HS3ST1: variants seen among roughly 807,000 people sequenced by gnomAD.
HS3ST1 encodes heparan sulfate glucosamine 3-O-sulfotransferase 1.
HS3ST1 carries 8 observed loss-of-function variants against 20.7 expected under a neutral mutation model. The observed-to-expected ratio is 0.39, with a 90% CI of 0.23 to 0.70. The LOEUF (loss-of-function observed/expected upper bound fraction) is 0.70, where lower values mean the gene tolerates loss of function less well. Ranked by LOEUF, HS3ST1 falls within the 30% of genes least tolerant of loss-of-function variation. HS3ST1 has a pLI of 0.46. For missense variants in HS3ST1, 436 were observed against 423.4 expected, an observed-to-expected ratio of 1.03 and a Z score of -0.26; for synonymous variants, 205 against 190.4, an observed-to-expected ratio of 1.08 and a Z score of -0.63.
chr4:11,401,555 G>A lies in HS3ST1; in HGVS notation c.-108-1442C>T, dbSNP rs182614455. Among the ~76,000 whole-genome samples, 60 of 152,224 alleles carry A rather than the reference G, an allele frequency of 3.9e-4. 1 individual carries two copies. Among genetic ancestry groups the A allele is most frequent in the African/African-American group, 1.4e-3 (58 of 41,544 alleles). On this transcript the variant is annotated intron_variant, in intron 1 of 1. Coordinates refer to ENST00000002596, the MANE Select transcript of HS3ST1 (RefSeq NM_005114.4). ...GATGGGCTTTCTCTATGTTGGTCAG[G>A]CTGGTCTCGAAATCCCACCCTCAGG...
At position 11,396,630 on chromosome 4, in the gene HS3ST1, CT is replaced by C. The variant is rs1409861437; in HGVS notation, c.*2451del. 2 of 152,220 alleles carry C rather than the reference CT, an allele frequency of 1.3e-5. No individual in the cohort carries two copies. Among genetic ancestry groups the C allele is most frequent in the Admixed American group, 6.5e-5 (1 of 15,274 alleles). The allele number at this position is 152,220 out of a possible 1,614,324, so 9.4% of individuals were successfully genotyped here. On this transcript the variant is annotated 3_prime_UTR_variant, in exon 2 of 2. Coordinates refer to ENST00000002596, the MANE Select transcript of HS3ST1 (RefSeq NM_005114.4). ...CTTGGTGAGATCTAGCAATAAATACCTTGGGTAAGTCTGGAGTGATGGTTTC... is the reference window on the plus strand; with the variant it reads ...CTTGGTGAGATCTAGCAATAAATACCTGGGTAAGTCTGGAGTGATGGTTTC...
chr4:11,400,008 T>C lies in HS3ST1; in HGVS notation c.-3A>G. 1 of 1,504,470 alleles carries C rather than the reference T, an allele frequency of 6.6e-7. No individual in the cohort carries two copies. The highest frequency in any genetic ancestry group is 1.3e-5 in the South Asian group (1 of 78,714). 93.2% of individuals were successfully genotyped at this position (1,504,470 alleles called of 1,614,324 possible). On this transcript the variant is annotated 5_prime_UTR_variant, in exon 2 of 2. Coordinates refer to ENST00000002596, the MANE Select transcript of HS3ST1 (RefSeq NM_005114.4). ...GCGCCCAGGAGCAGCGCGGCCATGC[T>C]GGACACCACGGTGGCTTCACTGGGC...
At chr4:11,420,179 G>T (rs1718892793) in intron 1 of HS3ST1, among the ~76,000 whole-genome samples, 1 of 152,188 alleles carries the variant, frequency 6.6e-6, no homozygotes, top group African/African-American at 2.4e-5. Flanking sequence ...GGTTATTTTG[G>T]CATGAGCAGT....
chr4:11,405,951 T>A (rs1718452237), intron 1 of HS3ST1, among the ~76,000 whole-genome samples: 1 of 152,124 alleles, frequency 6.6e-6, no homozygotes, highest in Admixed American at 6.5e-5. Context: ...TCACAAGAGG[T>A]ACATTTAATG....
At chr4:11,427,371 G>T (rs982103268) in intron 1 of HS3ST1, among the ~76,000 whole-genome samples, 2 of 152,060 alleles carry the variant, frequency 1.3e-5, no homozygotes, top group African/African-American at 4.8e-5. Context: ...CGGGGCTAGG[G>T]CTGAGGGAGG....
At chr4:11,420,472 G>A (rs1718903730) in intron 1 of HS3ST1, among the ~76,000 whole-genome samples, 1 of 152,182 alleles carries the variant, frequency 6.6e-6, no homozygotes, top group South Asian at 2.1e-4. Flanking sequence ...AAAGCACAAA[G>A]TATCCCTTCA....
chr4:11,433,982 A>G (rs1711530160), upstream of HS3ST1, among the ~76,000 whole-genome samples: 1 of 152,208 alleles, frequency 6.6e-6, no homozygotes, highest in South Asian at 2.1e-4. Context: ...TGCTGTTTCT[A>G]GCAGCTCTCT....
rs1718989599 is a variant in HS3ST1, at chr4:11,423,584, A to G, written c.-109+5115T>C. Among the ~76,000 whole-genome samples the G allele has an allele frequency of 2.0e-5, 3 of 152,168 alleles. No homozygotes were observed. In the South Asian group the frequency reaches 6.2e-4, roughly 32 times the overall value. On this transcript the variant is annotated intron_variant, in intron 1 of 1. Transcript: ENST00000002596. ...TTTTGTCTGTCTCCTCTGCTGGAAG[A>G]TAAGCACAAGGGCGAGGACTTCCAT...
upstream of HS3ST1, chr4:11,429,734 C>G (rs1283870116): frequency 7.3e-6 from 1 of 137,008 alleles, no homozygotes; most frequent in Non-Finnish European, 1.5e-5. Context: ...TATTTCTGCC[C>G]CGCTCCTCTA....
intron 1 of HS3ST1, among the ~76,000 whole-genome samples, chr4:11,412,268 G>C (rs995726241): frequency 1.3e-5 from 2 of 152,206 alleles, no homozygotes; most frequent in African/African-American, 4.8e-5. Context: ...TGGTCAGCAA[G>C]ACACAGGGAT....
chr4:11,433,221 A>G (rs2108895753), upstream of HS3ST1, among the ~76,000 whole-genome samples: 1 of 152,234 alleles, frequency 6.6e-6, no homozygotes, highest in South Asian at 2.1e-4. Context: ...GGAAGCCCTC[A>G]AGGTACCATA....
intron 1 of HS3ST1, among the ~76,000 whole-genome samples, chr4:11,422,265 G>A (rs146801546): frequency 9.7e-4 from 148 of 152,198 alleles, no homozygotes; most frequent in African/African-American, 3.3e-3. Context: ...ACCATGAACC[G>A]CTTCCTAACT....
At chr4:11,417,155 A>T (rs1718806189) in intron 1 of HS3ST1, among the ~76,000 whole-genome samples, 1 of 152,142 alleles carries the variant, frequency 6.6e-6, no homozygotes, top group Admixed American at 6.6e-5. Context: ...AAAAAACAAA[A>T]ACTGAAAGGA....
upstream of HS3ST1, among the ~76,000 whole-genome samples, chr4:11,432,757 A>G (rs1180023646): frequency 6.6e-6 from 1 of 152,140 alleles, no homozygotes; most frequent in Non-Finnish European, 1.5e-5. Flanking sequence ...ATTTCTTTTG[A>G]TTTGCTAATT....
upstream of HS3ST1, among the ~76,000 whole-genome samples, chr4:11,433,927 C>G (rs928545320): frequency 6.6e-6 from 1 of 152,198 alleles, no homozygotes; most frequent in African/African-American, 2.4e-5. Flanking sequence ...CTGTGACTCT[C>G]AGACCCTTAC....
chr4:11,402,386 C>T (rs1718348723), intron 1 of HS3ST1, among the ~76,000 whole-genome samples: 1 of 152,204 alleles, frequency 6.6e-6, no homozygotes, highest in Non-Finnish European at 1.5e-5. Flanking sequence ...GATTGGTGAA[C>T]TAAATTTAAC....
intron 1 of HS3ST1, among the ~76,000 whole-genome samples, chr4:11,401,922 C>T (rs910414947): frequency 6.6e-6 from 1 of 152,186 alleles, no homozygotes; most frequent in African/African-American, 2.4e-5. Context: ...GTCTGTGTTT[C>T]ACGCTATCCC....
chr4:11,421,960 G>A (rs1718950004), intron 1 of HS3ST1, among the ~76,000 whole-genome samples: 1 of 152,184 alleles, frequency 6.6e-6, no homozygotes, highest in Non-Finnish European at 1.5e-5. Flanking sequence ...AGTCCTCGCA[G>A]GACTGGGTAC....
rs374323541 is a variant in HS3ST1, at chr4:11,394,987, A to G, written c.*4095T>C. ...TGGGTGCCTGCTAAGTAAGCTTCCA[A>G]CACTCCAGCCTTGGAAAGCAGTAGC... On this transcript the variant is annotated 3_prime_UTR_variant, in exon 2 of 2. Coordinates refer to ENST00000002596, the MANE Select transcript of HS3ST1 (RefSeq NM_005114.4). 2 of 152,332 alleles carry G rather than the reference A, an allele frequency of 1.3e-5. No homozygotes were observed. Among genetic ancestry groups the G allele is most frequent in the African/African-American group, 2.4e-5 (1 of 41,576 alleles). 9.4% of individuals were successfully genotyped at this position (152,332 alleles called of 1,614,324 possible).
Sources: gnomAD v4.1 joint callset for allele counts (sites outside exome capture counted in the v4.1 genomes callset) on GRCh38, gnomAD v4.1.1 for gene constraint, MANE v1.5 for transcripts, NCBI Gene and HGNC (gene_info 2026-07-23, HGNC 2026-07-21) for gene names.